Variants in GABRG3 observed in about 807,000 individuals in gnomAD.
The protein encoded by GABRG3 is gamma-aminobutyric acid receptor subunit gamma-3.
GABRG3 carries 25 observed loss-of-function variants against 48.8 expected under a neutral mutation model. The observed-to-expected ratio is 0.51, with a 90% CI of 0.37 to 0.72. The LOEUF is 0.72. Ranked by LOEUF, GABRG3 falls within the 30% of genes least tolerant of loss-of-function variation. GABRG3 has a pLI of 0.00. For missense variants in GABRG3, 394 were observed against 577.9 expected (o/e 0.68, Z 3.26); for synonymous variants, 227 against 217.6 (o/e 1.04, Z -0.38).
At chr15:27,517,682 T>A (rs1317692328) in intron 6 of GABRG3, among the ~76,000 whole-genome samples, 1 of 152,220 alleles carries the variant, frequency 6.6e-6, no homozygotes, top group Non-Finnish European at 1.5e-5. Context: ...TTTCTGTATG[T>A]TAGCTTGTTG....
At chr15:27,381,547 T>C (rs1369415455) in intron 5 of GABRG3, among the ~76,000 whole-genome samples, 1 of 152,250 alleles carries the variant, frequency 6.6e-6, no homozygotes, top group Admixed American at 6.5e-5. Context: ...GCGGAAGAGA[T>C]TCCTGCTTGT....
chr15:27,332,045 T>C (rs572765640), intron 5 of GABRG3, among the ~76,000 whole-genome samples: 1 of 152,348 alleles, frequency 6.6e-6, no homozygotes, highest in East Asian at 1.9e-4. Context: ...TTAATTCATA[T>C]GTATAGGATT....
At chr15:27,141,830 A>T (rs190470756) in intron 3 of GABRG3, among the ~76,000 whole-genome samples, 1 of 152,270 alleles carries the variant, frequency 6.6e-6, no homozygotes, top group African/African-American at 2.4e-5. Flanking sequence ...TCTTTTGGGG[A>T]CGTGTTTTTG....
intron 3 of GABRG3, chr15:27,271,681 G>A (rs1279188910): frequency 4.4e-6 from 2 of 452,926 alleles, no homozygotes; most frequent in South Asian, 3.1e-5. Context: ...CCGTGTGGGA[G>A]CAGGTGTGTG....
At chr15:27,020,831 CAG>C (rs908315563) in intron 2 of GABRG3, among the ~76,000 whole-genome samples, 1 of 152,152 alleles carries the variant, frequency 6.6e-6, no homozygotes, top group Admixed American at 6.5e-5. Flanking sequence ...TTTGTTGTAA[CAG>C]ATGATTATTT....
chr15:27,097,006 A>ATTTTTT (rs36057231), intron 3 of GABRG3, among the ~76,000 whole-genome samples: 3 of 131,720 alleles, frequency 2.3e-5, no homozygotes. Context: ...ATACCCGGCT[A>ATTTTTT]TTTTTTTTTT....
intron 3 of GABRG3, among the ~76,000 whole-genome samples, chr15:27,081,996 T>C (rs1897000550): frequency 1.3e-5 from 2 of 152,198 alleles, no homozygotes; most frequent in Non-Finnish European, 2.9e-5. Flanking sequence ...AGTGTTTATC[T>C]GAACACATCC....
At position 27,481,307 on chromosome 15, in the gene GABRG3, A is replaced by G. The variant is rs1157132158; in HGVS notation, c.712+520A>G. On this transcript the variant is annotated intron_variant, in intron 6 of 9. Transcript: ENST00000615808. ...TTATATGCATATTCAAAATCCTGTA[A>G]TTAAATAAAAAGAGTTGTTCTGCCT... 8.9e-6 allele frequency: 8 copies of G among 895,418 alleles called. 1 individual carries two copies. Among genetic ancestry groups the G allele is most frequent in the African/African-American group, 5.4e-5 (3 of 55,322 alleles). The allele number at this position is 895,418 out of a possible 1,614,324, so 55.5% of individuals were successfully genotyped here.
chr15:27,246,177 A>G (rs1890265714), intron 3 of GABRG3, among the ~76,000 whole-genome samples: 1 of 152,214 alleles, frequency 6.6e-6, no homozygotes, highest in Admixed American at 6.5e-5. Flanking sequence ...GAGGAGGCAG[A>G]TATCCAAACC....
chr15:27,043,624 G>T (rs142599067), intron 3 of GABRG3, among the ~76,000 whole-genome samples: 1 of 152,118 alleles, frequency 6.6e-6, no homozygotes, highest in Non-Finnish European at 1.5e-5. Flanking sequence ...TGCTCAGCTC[G>T]CTGGAACACT....
intron 5 of GABRG3, among the ~76,000 whole-genome samples, chr15:27,407,241 A>G (rs72705740): frequency 0.064 from 9,809 of 152,182 alleles, 404 homozygotes; most frequent in South Asian, 0.19. Flanking sequence ...GCAAATGTTT[A>G]TTAAAAAAAT....
intron 3 of GABRG3, among the ~76,000 whole-genome samples, chr15:27,190,859 C>T (rs957818037): frequency 6.6e-6 from 1 of 151,934 alleles, no homozygotes; most frequent in Non-Finnish European, 1.5e-5. Context: ...CTCTCGTGGG[C>T]ATTTAGTGCT....
At chr15:27,273,892 A>G (rs532379012) in intron 3 of GABRG3, among the ~76,000 whole-genome samples, 1 of 152,232 alleles carries the variant, frequency 6.6e-6, no homozygotes, top group African/African-American at 2.4e-5. Context: ...TCTGGGGTTC[A>G]GGAATTCATG....
At chr15:27,296,313 T>A (rs1393351333) in intron 3 of GABRG3, among the ~76,000 whole-genome samples, 1 of 152,178 alleles carries the variant, frequency 6.6e-6, no homozygotes, top group African/African-American at 2.4e-5. Flanking sequence ...ATAAACAATA[T>A]GTGTAGAATT....
At chr15:27,365,298 GACACAGACACACACACAC>G (rs1394825165) in intron 5 of GABRG3, 1 of 126,672 alleles carries the variant, frequency 7.9e-6, no homozygotes, top group African/African-American at 2.8e-5. Flanking sequence ...GACACACACA[GACACAGACACACACACAC>G]ACACACACAC....
rs1891511211 is a variant in GABRG3, at chr15:27,534,768, C to T, written c.*1887C>T. 6.6e-6 allele frequency: 1 copy of T among 152,112 alleles called. No homozygotes were observed. The highest frequency in any genetic ancestry group is 2.4e-5 in the African/African-American group (1 of 41,432). 9.4% of individuals were successfully genotyped at this position (152,112 alleles called of 1,614,324 possible). On this transcript the variant is annotated 3_prime_UTR_variant, in exon 10 of 10. Transcript: ENST00000615808. Reference sequence around the variant, plus strand: ...CTGCTTATTCCTATTAAGATTGTTGCATATTAAACGGATGCAAAGATATAG... The same window carrying T: ...CTGCTTATTCCTATTAAGATTGTTGTATATTAAACGGATGCAAAGATATAG...
At chr15:27,372,433 C>T (rs556929983) in intron 5 of GABRG3, among the ~76,000 whole-genome samples, 1 of 152,238 alleles carries the variant, frequency 6.6e-6, no homozygotes, top group East Asian at 1.9e-4. Context: ...CGCTCAGTCA[C>T]CCAGGCTGGA....
chr15:27,415,419 C>T (rs747828350), intron 5 of GABRG3, among the ~76,000 whole-genome samples: 1 of 152,104 alleles, frequency 6.6e-6, no homozygotes, highest in Non-Finnish European at 1.5e-5. Context: ...TTGCTTATAT[C>T]GCCCATCTGT....
At chr15:27,358,060 A>T (rs533834357) in intron 5 of GABRG3, among the ~76,000 whole-genome samples, 1 of 152,234 alleles carries the variant, frequency 6.6e-6, no homozygotes, top group East Asian at 1.9e-4. Flanking sequence ...ATTGTGTTAG[A>T]AAAGTATTTA....
Sources: gnomAD v4.1 joint callset for allele counts (sites outside exome capture counted in the v4.1 genomes callset) on GRCh38, gnomAD v4.1.1 for gene constraint, MANE v1.5 for transcripts, NCBI Gene and HGNC (gene_info 2026-07-23, HGNC 2026-07-21) for gene names.